Variants in MACROD2 observed in about 807,000 individuals in gnomAD.
MACROD2 encodes ADP-ribose glycohydrolase MACROD2.
Under a neutral mutation model 70.4 loss-of-function variants are expected in MACROD2, and 36 were observed. The observed-to-expected ratio is 0.51, with a 90% CI of 0.39 to 0.68. The LOEUF (loss-of-function observed/expected upper bound fraction) is 0.68. Among genes scored for constraint, MACROD2 ranks in the 30% least tolerant of loss-of-function variants. MACROD2 has a pLI of 0.00. For synonymous variants in MACROD2, 172 were observed against 178.8 expected (o/e 0.96, Z 0.30); for missense variants, 496 against 538.4 (o/e 0.92, Z 0.78).
At chr20:14,366,740 T>C (rs1156510589) in intron 3 of MACROD2, among the ~76,000 whole-genome samples, 1 of 152,218 alleles carries the variant, frequency 6.6e-6, no homozygotes, top group African/African-American at 2.4e-5. Flanking sequence ...ATGACTTACA[T>C]GGAGTATCTT....
At chr20:15,312,373 A>C (rs1489264672) in intron 6 of MACROD2, among the ~76,000 whole-genome samples, 1 of 152,222 alleles carries the variant, frequency 6.6e-6, no homozygotes, top group Non-Finnish European at 1.5e-5. Flanking sequence ...TGTAGATAAA[A>C]TAATACGATG....
At chr20:14,699,691 T>A (rs1193888480) in intron 5 of MACROD2, among the ~76,000 whole-genome samples, 1 of 152,220 alleles carries the variant, frequency 6.6e-6, no homozygotes, top group Non-Finnish European at 1.5e-5. Flanking sequence ...TCCAGTAATA[T>A]GTAGTTTAAT....
chr20:14,975,956 A>G (rs2074735674), intron 5 of MACROD2, among the ~76,000 whole-genome samples: 1 of 152,128 alleles, frequency 6.6e-6, no homozygotes, highest in Admixed American at 6.5e-5. Flanking sequence ...TTTCAACGGA[A>G]TTAACAGGCT....
chr20:14,578,054 C>A (rs1034304650), intron 4 of MACROD2, among the ~76,000 whole-genome samples: 1 of 151,940 alleles, frequency 6.6e-6, no homozygotes, highest in Non-Finnish European at 1.5e-5. Context: ...TAGTCTATGA[C>A]TTGCCACCTT....
intron 8 of MACROD2, among the ~76,000 whole-genome samples, chr20:15,505,167 C>G (rs2047410161): frequency 6.6e-6 from 1 of 152,120 alleles, no homozygotes; most frequent in African/African-American, 2.4e-5. Flanking sequence ...CACAAATGTC[C>G]TGATATTGTG....
intron 5 of MACROD2, among the ~76,000 whole-genome samples, chr20:14,803,193 C>A (rs1290838270): frequency 6.6e-6 from 1 of 152,044 alleles, no homozygotes; most frequent in Non-Finnish European, 1.5e-5. Context: ...GTGGCAGAAT[C>A]TATTACCAAG....
chr20:15,047,468 A>T (rs1398227333), intron 5 of MACROD2, among the ~76,000 whole-genome samples: 1 of 152,198 alleles, frequency 6.6e-6, no homozygotes, highest in Non-Finnish European at 1.5e-5. Flanking sequence ...AAAAATTAGT[A>T]TGATACACCC....
At chr20:16,036,587 G>A (rs1390708599) in intron 15 of MACROD2, among the ~76,000 whole-genome samples, 1 of 151,980 alleles carries the variant, frequency 6.6e-6, no homozygotes, top group East Asian at 1.9e-4. Context: ...CCAAATGGAA[G>A]GAGGGACAGG....
intron 6 of MACROD2, among the ~76,000 whole-genome samples, chr20:15,287,505 C>G (rs2077502525): frequency 6.6e-6 from 1 of 152,110 alleles, no homozygotes; most frequent in Non-Finnish European, 1.5e-5. Context: ...AGGTACATGA[C>G]AAAGGACAGA....
At chr20:15,101,469 A>C (rs553501571) in intron 5 of MACROD2, among the ~76,000 whole-genome samples, 1 of 139,388 alleles carries the variant, frequency 7.2e-6, no homozygotes, top group South Asian at 2.3e-4. Flanking sequence ...TAGACTATAA[A>C]AATTATAGCT....
rs561352671 is a variant in MACROD2, at chr20:15,825,699, A to G, written c.646-37046A>G. 3.3e-5 allele frequency among the ~76,000 whole-genome samples: 5 copies of G among 152,282 alleles called. No homozygotes were observed. The South Asian group carries it at 6.2e-4, about 19-fold the overall frequency. The stretch of plus-strand genomic sequence containing the variant: ...TATGTATTGAATATATACTACAACA[A>G]TGATGCATATTCTCCTTTGTAAGAA... On this transcript the variant is annotated intron_variant, in intron 8 of 17. Transcript: ENST00000684519.
chr20:15,914,428 C>T (rs989353980), intron 10 of MACROD2, among the ~76,000 whole-genome samples: 2 of 152,132 alleles, frequency 1.3e-5, no homozygotes, highest in Admixed American at 6.5e-5. Context: ...GTTTAAACCT[C>T]GCATGATCAG....
At chr20:15,753,281 C>T (rs2051299900) in intron 8 of MACROD2, among the ~76,000 whole-genome samples, 1 of 152,152 alleles carries the variant, frequency 6.6e-6, no homozygotes, top group Non-Finnish European at 1.5e-5. Flanking sequence ...TCCCCACCCC[C>T]AGTAGTCCCC....
intron 5 of MACROD2, among the ~76,000 whole-genome samples, chr20:15,066,722 A>C (rs1325994996): frequency 6.6e-6 from 1 of 151,938 alleles, no homozygotes; most frequent in Non-Finnish European, 1.5e-5. Context: ...TCTACTAAAA[A>C]TACAAAAAAA....
chr20:14,530,920 C>G (rs1042358473), intron 4 of MACROD2, among the ~76,000 whole-genome samples: 5 of 152,164 alleles, frequency 3.3e-5, no homozygotes, highest in African/African-American at 1.2e-4. Context: ...CAGTCAGTAG[C>G]AAAAGGTGGT....
chr20:14,369,823 G>T (rs921377397), intron 3 of MACROD2, among the ~76,000 whole-genome samples: 2 of 152,112 alleles, frequency 1.3e-5, no homozygotes, highest in African/African-American at 4.8e-5. Flanking sequence ...ATTCAAAGTA[G>T]ACTTGATAAA....
chr20:15,634,584 G>A (rs1297472453), intron 8 of MACROD2, among the ~76,000 whole-genome samples: 11 of 152,168 alleles, frequency 7.2e-5, no homozygotes, highest in African/African-American at 1.9e-4. Flanking sequence ...AGAAACCCAC[G>A]TTACTTACCT....
intron 8 of MACROD2, among the ~76,000 whole-genome samples, chr20:15,544,880 T>G (rs1002823377): frequency 6.6e-6 from 1 of 152,244 alleles, no homozygotes. Flanking sequence ...ATACTTGAAC[T>G]CACTGAGCAG....
intron 8 of MACROD2, chr20:15,552,210 G>A (rs922238770): frequency 6.6e-6 from 1 of 152,120 alleles, no homozygotes; most frequent in South Asian, 2.1e-4. Context: ...TGGGCCTTTG[G>A]TGTATTCTTC....
Sources: allele counts gnomAD v4.1 joint callset (sites outside exome capture counted in the v4.1 genomes callset), GRCh38; gene constraint gnomAD v4.1.1; transcripts MANE v1.5; gene names NCBI Gene and HGNC (gene_info 2026-07-23, HGNC 2026-07-21).